The following PLD5 variants were observed in gnomAD, a reference collection of about 807,000 sequenced individuals.
PLD5 encodes the protein inactive phospholipase D5.
In PLD5, 36 loss-of-function variants were observed where a neutral mutation model predicts 61.1. The ratio of observed to expected loss-of-function variants is 0.59; its 90% CI spans 0.45 to 0.78. The LOEUF is 0.78. Ranked by LOEUF, PLD5 falls within the 30% of genes least tolerant of loss-of-function variation. The pLI is 0.00. For synonymous variants in PLD5, 243 were observed against 242.8 expected (o/e 1.00, Z -0.01); for missense variants, 515 against 644.4 (o/e 0.80, Z 2.17).
intron 1 of PLD5, among the ~76,000 whole-genome samples, chr1:242,434,130 T>G (rs148279206): frequency 6.6e-6 from 1 of 152,310 alleles, no homozygotes; most frequent in East Asian, 1.9e-4. Context: ...GCAGCAAGGC[T>G]GGAAACAAGG....
intron 4 of PLD5, among the ~76,000 whole-genome samples, chr1:242,244,745 C>T (rs996548825): frequency 2.6e-5 from 4 of 152,202 alleles, no homozygotes; most frequent in African/African-American, 9.7e-5. Context: ...TCTCATGATG[C>T]CTTCATAGGT....
intron 2 of PLD5, among the ~76,000 whole-genome samples, chr1:242,302,460 G>A (rs1241014729): frequency 1.3e-5 from 2 of 152,218 alleles, no homozygotes; most frequent in African/African-American, 2.4e-5. Flanking sequence ...GCTCACACCT[G>A]TAATCCAAGC....
At chr1:242,215,044 T>G (rs1190734719) in intron 5 of PLD5, among the ~76,000 whole-genome samples, 1,193 of 12,406 alleles carry the variant, frequency 0.096, 15 homozygotes, top group African/African-American at 0.14. Flanking sequence ...GCCTGGCCAA[T>G]TTTTTTTTTT....
chr1:242,233,410 T>A (rs1182819883), intron 4 of PLD5, among the ~76,000 whole-genome samples: 1 of 152,164 alleles, frequency 6.6e-6, no homozygotes, highest in South Asian at 2.1e-4. Context: ...ACAATCTGAA[T>A]GACTCTGATG....
chr1:242,094,496 G>A (rs1660075193), intron 9 of PLD5, among the ~76,000 whole-genome samples: 3 of 152,140 alleles, frequency 2.0e-5, no homozygotes, highest in South Asian at 4.1e-4. Context: ...TTCTCAGCAA[G>A]TATCTCAGTG....
intron 2 of PLD5, among the ~76,000 whole-genome samples, chr1:242,301,829 G>T (rs1440798308): frequency 2.0e-5 from 3 of 150,690 alleles, no homozygotes; most frequent in Non-Finnish European, 4.4e-5. Context: ...CCAGGCTGGA[G>T]TGCAATGGTG....
intron 5 of PLD5, among the ~76,000 whole-genome samples, chr1:242,160,893 A>AACTTTTTT (rs1222807171): frequency 6.6e-6 from 1 of 152,006 alleles, no homozygotes; most frequent in East Asian, 1.9e-4. Context: ...TCAAAAAATA[A>AACTTTTTT]TAATTAAAAA....
At chr1:242,529,353 A>G (rs1011619901), upstream of PLD5, among the ~76,000 whole-genome samples, 1 of 152,192 alleles carries the variant, frequency 6.6e-6, no homozygotes, top group Admixed American at 6.5e-5. Context: ...ACTTTAGACT[A>G]AAGATTCTCA....
intron 6 of PLD5, among the ~76,000 whole-genome samples, chr1:242,115,807 A>C (rs1360172161): frequency 6.6e-6 from 1 of 152,244 alleles, no homozygotes; most frequent in Non-Finnish European, 1.5e-5. Context: ...GGAGAGCCAG[A>C]GAAGAAGGAT....
intron 1 of PLD5, among the ~76,000 whole-genome samples, chr1:242,350,525 C>T (rs911988040): frequency 4.3e-4 from 66 of 152,114 alleles, no homozygotes; most frequent in African/African-American, 1.1e-3. Flanking sequence ...TCTTACCACC[C>T]GGCTTCACTT....
chr1:242,115,401 C>G (rs138054780), intron 6 of PLD5, among the ~76,000 whole-genome samples: 3 of 152,088 alleles, frequency 2.0e-5, no homozygotes, highest in African/African-American at 7.2e-5. Context: ...TTCCCCACCC[C>G]CTCTTTCCCC....
intron 5 of PLD5, among the ~76,000 whole-genome samples, chr1:242,155,970 ATTGT>A (rs1305858255): frequency 6.6e-6 from 1 of 152,062 alleles, no homozygotes; most frequent in Non-Finnish European, 1.5e-5. Flanking sequence ...TCCCACTATT[ATTGT>A]GTGGGAGTCT....
chr1:242,400,231 C>T (rs1270544935), intron 1 of PLD5, among the ~76,000 whole-genome samples: 1 of 151,810 alleles, frequency 6.6e-6, no homozygotes, highest in Non-Finnish European at 1.5e-5. Context: ...GGAACAGTTT[C>T]ATCCCCAAAC....
At chr1:242,180,503 A>G (rs980023550) in intron 5 of PLD5, among the ~76,000 whole-genome samples, 1 of 152,160 alleles carries the variant, frequency 6.6e-6, no homozygotes. Flanking sequence ...AAAAAATTGA[A>G]TTAGAAAAAA....
chr1:242,394,440 ATG>A lies in PLD5; in HGVS notation c.190-46200_190-46199del, dbSNP rs1282276303. Among the ~76,000 whole-genome samples the A allele has an allele frequency of 8.5e-5, 9 of 105,880 alleles. 1 individual carries two copies. Among genetic ancestry groups the A allele is most frequent in the Admixed American group, 2.3e-4 (2 of 8,848 alleles). The allele number at this position is 105,880 out of a possible 152,430, so 69.5% of individuals were successfully genotyped here. A position where few individuals can be genotyped will look rare whatever the true frequency, so the allele number is the denominator to read the frequency against. On this transcript the variant is annotated intron_variant, in intron 1 of 9. Coordinates refer to ENST00000536534, the MANE Select transcript of PLD5 (RefSeq NM_001372062.1). ...TATATATGTGTGTATATGAGTATAT[ATG>A]TGTGTATATGAGTATATATGTGAAC...
intron 1 of PLD5, among the ~76,000 whole-genome samples, chr1:242,460,318 G>T (rs1667078313): frequency 6.6e-6 from 1 of 152,088 alleles, no homozygotes; most frequent in Non-Finnish European, 1.5e-5. Context: ...GACCAGAGGT[G>T]GTGACCCCCC....
At chr1:242,359,411 A>G (rs1014217371) in intron 1 of PLD5, among the ~76,000 whole-genome samples, 31 of 152,148 alleles carry the variant, frequency 2.0e-4, no homozygotes, top group African/African-American at 7.5e-4. Context: ...TCAGCTTTCA[A>G]TGGGGAATTT....
intron 6 of PLD5, 145 bp from the exon 7 acceptor site, chr1:242,114,171 T>A (rs918491611): frequency 4.5e-5 from 40 of 890,714 alleles, no homozygotes; most frequent in Non-Finnish European, 5.9e-5. Context: ...ACAAAGATAT[T>A]TTCAATCTTA....
chr1:242,140,460 G>A (rs1664076915), intron 5 of PLD5, among the ~76,000 whole-genome samples: 1 of 152,026 alleles, frequency 6.6e-6, no homozygotes, highest in African/African-American at 2.4e-5. Context: ...CCTGGGTTTA[G>A]TAGCCTTCTC....
Sources: gnomAD v4.1 joint callset for allele counts (sites outside exome capture counted in the v4.1 genomes callset) on GRCh38, gnomAD v4.1.1 for gene constraint, MANE v1.5 for transcripts, NCBI Gene and HGNC (gene_info 2026-07-23, HGNC 2026-07-21) for gene names.